The following ARHGAP24 variants were observed in gnomAD, a reference collection of about 807,000 sequenced individuals.
ARHGAP24 encodes the protein rho GTPase-activating protein 24.
Under a neutral mutation model 76.4 loss-of-function variants are expected in ARHGAP24, and 50 were observed. The ratio of observed to expected loss-of-function variants is 0.65; its 90% CI spans 0.52 to 0.83. The LOEUF (loss-of-function observed/expected upper bound fraction) is 0.83, where lower values mean the gene tolerates loss of function less well. ARHGAP24 is among the 40% of genes least tolerant of loss of function. The pLI, the probability that ARHGAP24 is intolerant of heterozygous loss-of-function variation, is 0.00. For synonymous variants in ARHGAP24, 345 were observed against 323.3 expected (o/e 1.07, Z -0.72); for missense variants, 930 against 914.2 (o/e 1.02, Z -0.22).
At chr4:85,985,347 T>C (rs987352592) in intron 8 of ARHGAP24, among the ~76,000 whole-genome samples, 1 of 152,098 alleles carries the variant, frequency 6.6e-6, no homozygotes, top group Non-Finnish European at 1.5e-5. Context: ...TGGGTGGAGC[T>C]GGAGGCCATT....
At chr4:85,997,964 A>G (rs1740783694) in intron 9 of ARHGAP24, among the ~76,000 whole-genome samples, 1 of 152,092 alleles carries the variant, frequency 6.6e-6, no homozygotes, top group Non-Finnish European at 1.5e-5. Flanking sequence ...GCTAGTTTCT[A>G]ACAATTTTCT....
At chr4:85,911,293 C>T (rs1295153791) in intron 3 of ARHGAP24, among the ~76,000 whole-genome samples, 1 of 152,202 alleles carries the variant, frequency 6.6e-6, no homozygotes, top group Admixed American at 6.5e-5. Context: ...CTCCTGCCGG[C>T]TTGTGCAGCT....
At chr4:85,939,561 A>G (rs1479676931) in intron 4 of ARHGAP24, among the ~76,000 whole-genome samples, 1 of 152,194 alleles carries the variant, frequency 6.6e-6, no homozygotes, top group East Asian at 1.9e-4. Flanking sequence ...TAAATAATGA[A>G]TTTAAGTTTC....
At chr4:85,666,443 C>T (rs1159150329) in intron 2 of ARHGAP24, among the ~76,000 whole-genome samples, 1 of 152,148 alleles carries the variant, frequency 6.6e-6, no homozygotes, top group Non-Finnish European at 1.5e-5. Context: ...GTTTGAATTT[C>T]CTCCTGTAGC....
chr4:85,681,624 G>A (rs1413212037), intron 2 of ARHGAP24, among the ~76,000 whole-genome samples: 1 of 152,140 alleles, frequency 6.6e-6, no homozygotes, highest in Admixed American at 6.5e-5. Context: ...AGAGGCCAAA[G>A]CATTTATATG....
intron 3 of ARHGAP24, among the ~76,000 whole-genome samples, chr4:85,733,186 C>T (rs1342342146): frequency 4.0e-5 from 6 of 150,672 alleles, no homozygotes; most frequent in African/African-American, 1.5e-4. Context: ...GCCTCAGCTT[C>T]CCGAGTAGCT....
At chr4:85,855,359 G>A (rs1731490738) in intron 3 of ARHGAP24, among the ~76,000 whole-genome samples, 1 of 152,166 alleles carries the variant, frequency 6.6e-6, no homozygotes, top group Non-Finnish European at 1.5e-5. Flanking sequence ...GAGTGAAAGT[G>A]ATCAAATACA....
intron 4 of ARHGAP24, among the ~76,000 whole-genome samples, chr4:85,939,685 G>A (rs972749695): frequency 1.3e-5 from 2 of 152,116 alleles, no homozygotes; most frequent in East Asian, 1.9e-4. Flanking sequence ...TTTCTTCATC[G>A]CTTCCTTGGG....
chr4:85,502,764 G>C (rs920899770), intron 1 of ARHGAP24, among the ~76,000 whole-genome samples: 5 of 152,184 alleles, frequency 3.3e-5, no homozygotes, highest in Non-Finnish European at 7.3e-5. Flanking sequence ...ATGTTGAATA[G>C]GAGTGGTGAG....
At chr4:85,591,044 T>G (rs1728082907) in intron 2 of ARHGAP24, among the ~76,000 whole-genome samples, 2 of 135,526 alleles carry the variant, frequency 1.5e-5, no homozygotes, top group African/African-American at 2.8e-5. Context: ...TTTTTTTTTT[T>G]TTTTTTTTTT....
intron 4 of ARHGAP24, chr4:85,930,355 G>T: frequency 1.0e-6 from 1 of 985,170 alleles, no homozygotes; most frequent in Non-Finnish European, 1.2e-6. Flanking sequence ...AAGCAGGGGG[G>T]TCCTTTGAAA....
intron 3 of ARHGAP24, among the ~76,000 whole-genome samples, chr4:85,867,125 T>A (rs1196739732): frequency 3.9e-5 from 6 of 152,146 alleles, no homozygotes; most frequent in Non-Finnish European, 7.4e-5. Flanking sequence ...CCTTTATTTT[T>A]AAAATGGAAT....
chr4:85,800,924 A>G (rs1220982689), intron 3 of ARHGAP24, among the ~76,000 whole-genome samples: 2 of 152,244 alleles, frequency 1.3e-5, no homozygotes, highest in African/African-American at 2.4e-5. Context: ...AAGATCATTC[A>G]TATTAAGAAA....
At chr4:85,816,050 A>C (rs1729222845) in intron 3 of ARHGAP24, among the ~76,000 whole-genome samples, 1 of 152,072 alleles carries the variant, frequency 6.6e-6, no homozygotes. Context: ...GCATGGGGGA[A>C]ACCACCCCCA....
At chr4:85,709,272 G>T (rs1363051633) in intron 2 of ARHGAP24, among the ~76,000 whole-genome samples, 1 of 151,912 alleles carries the variant, frequency 6.6e-6, no homozygotes, top group Non-Finnish European at 1.5e-5. Flanking sequence ...GAAATGAAAT[G>T]GTTATATAGA....
intron 2 of ARHGAP24, among the ~76,000 whole-genome samples, chr4:85,621,282 C>G (rs1259381318): frequency 6.6e-6 from 1 of 151,878 alleles, no homozygotes; most frequent in Non-Finnish European, 1.5e-5. Context: ...GGGTAGATAC[C>G]CAGTAATGAA....
chr4:85,722,238 G>T (rs1036999060), intron 3 of ARHGAP24: 1 of 416,086 alleles, frequency 2.4e-6, no homozygotes, highest in Non-Finnish European at 4.5e-6. Context: ...TACAGTATTT[G>T]TTCAGGACTA....
chr4:85,744,779 A>G (rs534239426), intron 3 of ARHGAP24, among the ~76,000 whole-genome samples: 2 of 152,278 alleles, frequency 1.3e-5, no homozygotes, highest in East Asian at 3.9e-4. Flanking sequence ...TTCATTATGT[A>G]TTGCTGCTTT....
At chr4:85,668,295 G>A (rs1341621793) in intron 2 of ARHGAP24, among the ~76,000 whole-genome samples, 3 of 152,300 alleles carry the variant, frequency 2.0e-5, no homozygotes, top group East Asian at 1.9e-4. Flanking sequence ...AAGCAAAACA[G>A]AAAATGCTAA....
Sources: allele counts gnomAD v4.1 joint callset (sites outside exome capture counted in the v4.1 genomes callset), GRCh38; gene constraint gnomAD v4.1.1; transcripts MANE v1.5; gene names NCBI Gene and HGNC (gene_info 2026-07-23, HGNC 2026-07-21).